Variants in TTLL11 observed in about 807,000 individuals in gnomAD.
TTLL11 encodes tubulin polyglutamylase TTLL11.
In TTLL11, 42 loss-of-function variants were observed where a neutral mutation model predicts 51.7. That is an observed-to-expected ratio of 0.81 (90% confidence interval 0.64 to 1.05). The LOEUF (loss-of-function observed/expected upper bound fraction) is 1.05. TTLL11 is among the 50% of genes least tolerant of loss of function. TTLL11 has a pLI of 0.00. For missense variants in TTLL11, 799 were observed against 940.4 expected, an observed-to-expected ratio of 0.85 and a Z score of 1.97; for synonymous variants, 381 against 383.5, an observed-to-expected ratio of 0.99 and a Z score of 0.08.
chr9:121,897,230 G>T lies in TTLL11; in HGVS notation c.1482-26482C>A, dbSNP rs552625402. On this transcript the variant is annotated intron_variant, in intron 6 of 8. Coordinates refer to ENST00000321582, the MANE Select transcript of TTLL11 (RefSeq NM_001139442.2). ...TAAAACCATACTGGTTTTCCACAGC[G>T]GATATCCACTGGGTGCTTTTAGACC... Among the ~76,000 whole-genome samples the T allele has an allele frequency of 1.8e-3, 275 of 152,216 alleles. 3 individuals are homozygous for T. Among genetic ancestry groups the T allele is most frequent in the Middle Eastern group, 3.4e-3 (1 of 294 alleles).
intron 7 of TTLL11, among the ~76,000 whole-genome samples, chr9:121,868,083 T>C (rs1455857499): frequency 6.6e-6 from 1 of 152,126 alleles, no homozygotes; most frequent in Non-Finnish European, 1.5e-5. Flanking sequence ...TTCTGTGTGA[T>C]GGTGTGAAGG....
chr9:121,957,275 C>T (rs1842050632), intron 6 of TTLL11, among the ~76,000 whole-genome samples: 1 of 152,194 alleles, frequency 6.6e-6, no homozygotes, highest in South Asian at 2.1e-4. Context: ...AAAGGCCCTC[C>T]ACCACCATGG....
Position 121,817,520 on chromosome 9 carries a change from C to G in TTLL11, c.*5067G>C, listed in dbSNP as rs939808840. On this transcript the variant is annotated 3_prime_UTR_variant, in exon 9 of 9. Coordinates refer to ENST00000321582, the MANE Select transcript of TTLL11 (RefSeq NM_001139442.2). ...TTATGCTCCCAAAGATCAAGTGAGA[C>G]AGGACTTGCCACTCTCACTAAGTGG... The G allele has an allele frequency of 6.6e-6, 1 of 152,248 alleles. No individual in the cohort carries two copies. Among genetic ancestry groups the G allele is most frequent in the Admixed American group, 6.5e-5 (1 of 15,286 alleles). 9.4% of individuals were successfully genotyped at this position (152,248 alleles called of 1,614,324 possible). A position where few individuals can be genotyped will look rare whatever the true frequency, so the allele number is the denominator to read the frequency against.
chr9:122,001,384 G>A (rs1396881464), intron 3 of TTLL11, among the ~76,000 whole-genome samples: 3 of 152,060 alleles, frequency 2.0e-5, no homozygotes, highest in African/African-American at 4.8e-5. Flanking sequence ...GCTTCCAGGC[G>A]TGAGCCACCG....
At chr9:121,841,812 T>C (rs1432024934) in intron 8 of TTLL11, among the ~76,000 whole-genome samples, 1 of 152,052 alleles carries the variant, frequency 6.6e-6, no homozygotes, top group Non-Finnish European at 1.5e-5. Context: ...ACCCACTAGA[T>C]GCCAGTATAG....
Position 121,989,908 on chromosome 9 carries a change from C to A in TTLL11, c.694-138G>T. On this transcript the variant is annotated intron_variant, in intron 3 of 8. Transcript: ENST00000321582. The surrounding 1 kb of genome is among the most constrained non-coding windows in gnomAD (Gnocchi z 4.2). ...GATCTGAGCAGGGGCTGAGCATCTT[C>A]CATGGAGATGACACTGCACAAGGTA... The A allele has an allele frequency of 6.8e-7, 1 of 1,472,480 alleles. No homozygotes were observed. Among genetic ancestry groups the A allele is most frequent in the Non-Finnish European group, 8.9e-7 (1 of 1,118,964 alleles). 91.2% of individuals were successfully genotyped at this position (1,472,480 alleles called of 1,614,324 possible). A position where few individuals can be genotyped will look rare whatever the true frequency, so the allele number is the denominator to read the frequency against.
At chr9:122,000,322 A>G (rs1843421671) in intron 3 of TTLL11, among the ~76,000 whole-genome samples, 1 of 151,868 alleles carries the variant, frequency 6.6e-6, no homozygotes, top group African/African-American at 2.4e-5. Context: ...ATACAAAAAT[A>G]TTAGCCAGAT....
chr9:121,965,786 A>T (rs1842381911), intron 6 of TTLL11, among the ~76,000 whole-genome samples: 2 of 152,206 alleles, frequency 1.3e-5, no homozygotes, highest in Non-Finnish European at 2.9e-5. Flanking sequence ...AAGAGGTGCC[A>T]CCAATTTAAG....
intron 1 of TTLL11, among the ~76,000 whole-genome samples, chr9:122,043,437 G>A (rs72767737): frequency 0.05 from 7,531 of 152,118 alleles, 244 homozygotes; most frequent in African/African-American, 0.094. Flanking sequence ...GAATATCCAC[G>A]TGCAAAAAGA....
chr9:121,858,835 G>T (rs1164470510), intron 8 of TTLL11, among the ~76,000 whole-genome samples: 1 of 152,236 alleles, frequency 6.6e-6, no homozygotes, highest in African/African-American at 2.4e-5. Flanking sequence ...AGCTGACATG[G>T]GCAGGAAATG....
chr9:122,015,137 C>T (rs1489213732), intron 3 of TTLL11, among the ~76,000 whole-genome samples: 1 of 152,084 alleles, frequency 6.6e-6, no homozygotes, highest in Non-Finnish European at 1.5e-5. Flanking sequence ...AAACTGCAAG[C>T]ACAACACAGA....
chr9:121,914,087 A>G (rs1433815756), intron 6 of TTLL11, among the ~76,000 whole-genome samples: 1 of 152,224 alleles, frequency 6.6e-6, no homozygotes, highest in Non-Finnish European at 1.5e-5. Context: ...GGAAGCTAGG[A>G]TTTGATCCTA....
intron 6 of TTLL11, among the ~76,000 whole-genome samples, chr9:121,874,900 G>A (rs557876994): frequency 1.9e-4 from 29 of 152,092 alleles, no homozygotes; most frequent in African/African-American, 6.8e-4. Context: ...GGAACTACAG[G>A]CGTGTGCCAC....
chr9:121,816,999 C>G lies in TTLL11; in HGVS notation c.*5588G>C, dbSNP rs988185267. 4 of 152,146 alleles carry G rather than the reference C, an allele frequency of 2.6e-5. No individual in the cohort carries two copies. Among genetic ancestry groups the G allele is most frequent in the African/African-American group, 9.7e-5 (4 of 41,412 alleles). 9.4% of individuals were successfully genotyped at this position (152,146 alleles called of 1,614,324 possible). On this transcript the variant is annotated 3_prime_UTR_variant, in exon 9 of 9. Coordinates refer to ENST00000321582, the MANE Select transcript of TTLL11 (RefSeq NM_001139442.2). Reference sequence around the variant, plus strand: ...TTAATACACACGGTGGTGAATGATCCCTCCGTGCGAGGAGGACAGCGCTCT... The same window carrying G: ...TTAATACACACGGTGGTGAATGATCGCTCCGTGCGAGGAGGACAGCGCTCT...
chr9:121,951,805 GC>G (rs1188911661), intron 6 of TTLL11, among the ~76,000 whole-genome samples: 1 of 152,226 alleles, frequency 6.6e-6, no homozygotes, highest in African/African-American at 2.4e-5. Flanking sequence ...CCATAGAACA[GC>G]CCCGAGGGCT....
intron 4 of TTLL11, among the ~76,000 whole-genome samples, chr9:121,983,677 C>T (rs1842873660): frequency 6.6e-6 from 1 of 152,134 alleles, no homozygotes; most frequent in South Asian, 2.1e-4. Context: ...GGGAAGCCTT[C>T]CCTGACAGGG....
intron 2 of TTLL11, among the ~76,000 whole-genome samples, chr9:122,032,990 A>G (rs1356266006): frequency 1.3e-5 from 2 of 150,528 alleles, no homozygotes; most frequent in African/African-American, 4.9e-5. Flanking sequence ...TTTTGTAGAG[A>G]CAGGGTCTCA....
chr9:121,837,010 C>T (rs1588058363), intron 8 of TTLL11, among the ~76,000 whole-genome samples: 1 of 152,148 alleles, frequency 6.6e-6, no homozygotes, highest in Non-Finnish European at 1.5e-5. Flanking sequence ...TAATTTTGCA[C>T]ACAAATAGGA....
intron 1 of TTLL11, among the ~76,000 whole-genome samples, chr9:122,059,830 C>T (rs1427815585): frequency 1.3e-5 from 2 of 152,156 alleles, no homozygotes; most frequent in African/African-American, 4.8e-5. Flanking sequence ...GGGTCATCAT[C>T]TGTGCTCACT....
Sources: gnomAD v4.1 joint callset for allele counts (sites outside exome capture counted in the v4.1 genomes callset) on GRCh38, gnomAD v4.1.1 for gene constraint, Gnocchi (gnomAD v3.1) non-coding constraint, MANE v1.5 for transcripts, NCBI Gene and HGNC (gene_info 2026-07-23, HGNC 2026-07-21) for gene names.